HS3ST5: variants seen among roughly 807,000 people sequenced by gnomAD.
HS3ST5 encodes heparan sulfate-glucosamine 3-sulfotransferase 5, also known as heparan sulfate glucosamine 3-O-sulfotransferase 5.
HS3ST5 carries 10 observed loss-of-function variants against 25.4 expected under a neutral mutation model. That is an observed-to-expected ratio of 0.39 (90% CI 0.24 to 0.67). The LOEUF (loss-of-function observed/expected upper bound fraction) is 0.67. Among genes scored for constraint, HS3ST5 ranks in the 30% least tolerant of loss-of-function variants. The pLI is 0.44. For missense variants in HS3ST5, 324 were observed against 420.7 expected, an observed-to-expected ratio of 0.77 and a Z score of 2.01; for synonymous variants, 170 against 162.4, an observed-to-expected ratio of 1.05 and a Z score of -0.36.
intron 1 of HS3ST5, among the ~76,000 whole-genome samples, chr6:114,248,233 T>TAC (rs1772476701): frequency 6.8e-6 from 1 of 147,650 alleles, no homozygotes; most frequent in African/African-American, 2.5e-5. Context: ...TATATATATA[T>TAC]ATATAAAATA....
At chr6:114,246,004 T>C (rs1351704642) in intron 1 of HS3ST5, among the ~76,000 whole-genome samples, 1 of 152,188 alleles carries the variant, frequency 6.6e-6, no homozygotes, top group East Asian at 1.9e-4. Flanking sequence ...GAAGCTTAAA[T>C]GGTGGAGCAG....
intron 1 of HS3ST5, among the ~76,000 whole-genome samples, chr6:114,241,465 C>T (rs1271849497): frequency 2.0e-5 from 3 of 152,094 alleles, no homozygotes; most frequent in East Asian, 1.9e-4. Flanking sequence ...TTACCACTCA[C>T]GTTTTTTATA....
intron 3 of HS3ST5, among the ~76,000 whole-genome samples, chr6:114,156,574 T>A (rs1240337704): frequency 6.6e-6 from 1 of 152,232 alleles, no homozygotes; most frequent in Non-Finnish European, 1.5e-5. Flanking sequence ...TGGTTCCACT[T>A]ATTATTTGTA....
intron 3 of HS3ST5, among the ~76,000 whole-genome samples, chr6:114,166,930 T>C (rs1027639294): frequency 1.3e-5 from 2 of 152,230 alleles, no homozygotes; most frequent in South Asian, 4.1e-4. Flanking sequence ...TATTTTTTAA[T>C]ATAAAACAGT....
chr6:114,297,701 C>T (rs9488367), intron 1 of HS3ST5, among the ~76,000 whole-genome samples: 2,307 of 152,242 alleles, frequency 0.015, 63 homozygotes, highest in African/African-American at 0.052. Flanking sequence ...GCTTGGTTAA[C>T]GCTTTCCTTC....
At chr6:114,276,543 A>G (rs1030143252) in intron 1 of HS3ST5, among the ~76,000 whole-genome samples, 5 of 151,780 alleles carry the variant, frequency 3.3e-5, no homozygotes, top group African/African-American at 1.2e-4. Context: ...GTATGAGTAC[A>G]AATTCCATTT....
chr6:114,079,106 C>T (rs919874025), intron 3 of HS3ST5, among the ~76,000 whole-genome samples: 4 of 152,074 alleles, frequency 2.6e-5, no homozygotes, highest in East Asian at 1.9e-4. Context: ...GGTCTTGCTT[C>T]GATGTTGATG....
intron 3 of HS3ST5, among the ~76,000 whole-genome samples, chr6:114,074,353 A>C (rs1045653283): frequency 2.0e-5 from 3 of 152,268 alleles, no homozygotes; most frequent in African/African-American, 7.2e-5. Flanking sequence ...GAAATTGACA[A>C]ATACTACAAA....
chr6:114,251,235 G>A (rs902818595), intron 1 of HS3ST5, among the ~76,000 whole-genome samples: 28 of 152,166 alleles, frequency 1.8e-4, no homozygotes, highest in Non-Finnish European at 4.1e-4. Flanking sequence ...CAGCAGTGAG[G>A]CACTTTCTTC....
chr6:114,249,671 C>T (rs952185198), intron 1 of HS3ST5, among the ~76,000 whole-genome samples: 1 of 152,176 alleles, frequency 6.6e-6, no homozygotes, highest in Non-Finnish European at 1.5e-5. Flanking sequence ...GATACAAAGG[C>T]CAAGCCCCTT....
intron 2 of HS3ST5, among the ~76,000 whole-genome samples, chr6:114,177,381 T>G (rs1432767779): frequency 6.6e-6 from 1 of 152,228 alleles, no homozygotes. Flanking sequence ...CTAGTGTTCC[T>G]AAAGTCTTGA....
chr6:114,243,926 A>T (rs1424942810), intron 1 of HS3ST5, among the ~76,000 whole-genome samples: 2 of 152,282 alleles, frequency 1.3e-5, no homozygotes, highest in African/African-American at 4.8e-5. Flanking sequence ...GGCTTTTGTG[A>T]TGCCAAATTA....
chr6:114,272,765 C>T (rs1287300420), intron 1 of HS3ST5, among the ~76,000 whole-genome samples: 2 of 152,022 alleles, frequency 1.3e-5, no homozygotes, highest in Non-Finnish European at 2.9e-5. Flanking sequence ...GACATTTGAT[C>T]AATGAGGTGA....
chr6:114,084,535 A>G (rs990715170), intron 3 of HS3ST5: 2 of 759,640 alleles, frequency 2.6e-6, no homozygotes, highest in Non-Finnish European at 4.8e-6. Flanking sequence ...CGTCCACCGC[A>G]TCACACCCGC....
intron 1 of HS3ST5, among the ~76,000 whole-genome samples, chr6:114,298,907 G>A (rs1774945446): frequency 6.6e-6 from 1 of 152,066 alleles, no homozygotes; most frequent in Non-Finnish European, 1.5e-5. Flanking sequence ...TGTGATGATT[G>A]CGTTAACTGC....
intron 3 of HS3ST5, among the ~76,000 whole-genome samples, chr6:114,102,948 G>A (rs1052388422): frequency 6.6e-6 from 1 of 151,998 alleles, no homozygotes; most frequent in East Asian, 1.9e-4. Flanking sequence ...TGACTGTAAA[G>A]AATTTTTTTT....
At chr6:114,138,588 C>T (rs533877321) in intron 3 of HS3ST5, among the ~76,000 whole-genome samples, 4 of 152,258 alleles carry the variant, frequency 2.6e-5, no homozygotes, top group African/African-American at 4.8e-5. Context: ...TAGCATCTCT[C>T]GGAATGGCTG....
At chr6:114,215,381 C>T (rs745955094) in intron 2 of HS3ST5, among the ~76,000 whole-genome samples, 1 of 152,108 alleles carries the variant, frequency 6.6e-6, no homozygotes, top group Non-Finnish European at 1.5e-5. Flanking sequence ...TTGCATGGGA[C>T]CCCGAACCCT....
rs149116558 is a variant in HS3ST5 at position 114,292,742 on chromosome 6, C to T, written c.-339+49453G>A. ...ACAGGGGATTTGTTCCAGGGCTTCC[C>T]GAAGATACCTGAGGATGCTCAAATC... On this transcript the variant is annotated intron_variant, in intron 1 of 4. Coordinates refer to ENST00000312719, the MANE Select transcript of HS3ST5 (RefSeq NM_153612.4). Among the ~76,000 whole-genome samples, 110 of 152,154 alleles carry T rather than the reference C, an allele frequency of 7.2e-4. 1 individual carries two copies. Among genetic ancestry groups the T allele is most frequent in the African/African-American group, 2.5e-3 (104 of 41,510 alleles).
Sources: gnomAD v4.1 joint callset for allele counts (sites outside exome capture counted in the v4.1 genomes callset) on GRCh38, gnomAD v4.1.1 for gene constraint, MANE v1.5 for transcripts, NCBI Gene and HGNC (gene_info 2026-07-23, HGNC 2026-07-21) for gene names.